GALNT10: variants seen among roughly 807,000 people sequenced by gnomAD.
GALNT10 encodes GalNAc transferase 10.
A neutral mutation model predicts 75.0 loss-of-function variants in GALNT10; 41 were observed. That is an observed-to-expected ratio of 0.55 (90% CI 0.43 to 0.71). The LOEUF (loss-of-function observed/expected upper bound fraction) is 0.71, where lower values mean the gene tolerates loss of function less well. GALNT10 is among the 30% of genes least tolerant of loss of function. GALNT10 has a pLI of 0.00. For missense variants in GALNT10, 727 were observed against 818.5 expected, an observed-to-expected ratio of 0.89 and a Z score of 1.36; for synonymous variants, 302 against 313.0, an observed-to-expected ratio of 0.96 and a Z score of 0.37.
chr5:154,272,116 C>T (rs1241354070), intron 1 of GALNT10, among the ~76,000 whole-genome samples: 1 of 152,150 alleles, frequency 6.6e-6, no homozygotes, highest in Non-Finnish European at 1.5e-5. Context: ...GCAGGCGGCC[C>T]CTCTGTTAGT....
chr5:154,357,848 G>A (rs1457917218), intron 4 of GALNT10, among the ~76,000 whole-genome samples: 1 of 152,156 alleles, frequency 6.6e-6, no homozygotes, highest in Non-Finnish European at 1.5e-5. Flanking sequence ...CTCCCTGTGT[G>A]AGCTGAGATG....
intron 7 of GALNT10, chr5:154,393,128 A>AGT (rs1755943395): frequency 6.7e-6 from 1 of 149,112 alleles, no homozygotes; most frequent in Non-Finnish European, 1.5e-5. Flanking sequence ...GCTGGAGGGC[A>AGT]GTGACGTGAT....
At chr5:154,332,189 A>G (rs1475082366) in intron 4 of GALNT10, among the ~76,000 whole-genome samples, 1 of 152,194 alleles carries the variant, frequency 6.6e-6, no homozygotes, top group Non-Finnish European at 1.5e-5. Context: ...GAACTGCTCA[A>G]GTGATTGATT....
intron 4 of GALNT10, among the ~76,000 whole-genome samples, chr5:154,351,043 CATG>C: frequency 6.6e-6 from 1 of 152,302 alleles, no homozygotes; most frequent in African/African-American, 2.4e-5. Context: ...ACTTTGATGA[CATG>C]ATAATTACCA....
chr5:154,395,261 C>A lies in GALNT10; in HGVS notation c.1056+8831C>A, dbSNP rs1031341300. On this transcript the variant is annotated intron_variant, in intron 7 of 11. Transcript: ENST00000297107. ...TAAGTGGCAGCTGTTCTGATCATAA[C>A]CCTCAGGTAAGGAGGCAGAACAGCA... Among the ~76,000 whole-genome samples, 3 of 152,222 alleles carry A rather than the reference C, an allele frequency of 2.0e-5. No homozygotes were observed. In the South Asian group the frequency reaches 6.2e-4, roughly 32 times the overall value.
At chr5:154,253,751 T>C (rs1327414578) in intron 1 of GALNT10, among the ~76,000 whole-genome samples, 2 of 134,488 alleles carry the variant, frequency 1.5e-5, no homozygotes, top group Non-Finnish European at 3.1e-5. Flanking sequence ...TTAAAAAACA[T>C]GGTGGCTTGC....
intron 1 of GALNT10, among the ~76,000 whole-genome samples, chr5:154,281,881 G>A (rs1349600438): frequency 6.6e-6 from 1 of 152,168 alleles, no homozygotes; most frequent in Non-Finnish European, 1.5e-5. Context: ...CATCATGGTG[G>A]CCTTTGCATT....
intron 7 of GALNT10, among the ~76,000 whole-genome samples, chr5:154,397,456 G>A (rs2113203530): frequency 6.6e-6 from 1 of 152,204 alleles, no homozygotes; most frequent in Non-Finnish European, 1.5e-5. Context: ...CCTCATTTTA[G>A]CCTCACCACA....
At chr5:154,386,580 C>T (rs1419385408) in intron 7 of GALNT10, 150 bp downstream of exon 7, 10 of 334,258 alleles carry the variant, frequency 3.0e-5, no homozygotes, top group Non-Finnish European at 5.9e-5. Flanking sequence ...GACAGGGGCT[C>T]ATGGGCCACT....
intron 1 of GALNT10, among the ~76,000 whole-genome samples, chr5:154,222,030 A>G (rs926249588): frequency 6.6e-6 from 1 of 152,120 alleles, no homozygotes; most frequent in Non-Finnish European, 1.5e-5. Flanking sequence ...CAATTTTAAC[A>G]TATATATAAA....
chr5:154,272,392 A>G (rs1278273946), intron 1 of GALNT10, among the ~76,000 whole-genome samples: 2 of 152,202 alleles, frequency 1.3e-5, no homozygotes, highest in Non-Finnish European at 2.9e-5. Flanking sequence ...TCCCAGATCT[A>G]TGGCCTTCTT....
At chr5:154,205,174 G>C (rs1176285560) in intron 1 of GALNT10, among the ~76,000 whole-genome samples, 1 of 152,190 alleles carries the variant, frequency 6.6e-6, no homozygotes, top group Non-Finnish European at 1.5e-5. Context: ...CCCCTGTTGA[G>C]ATCAGAAGGC....
chr5:154,298,215 T>G lies in GALNT10; in HGVS notation c.401+136T>G, dbSNP rs1754310625. On this transcript the variant is annotated intron_variant, in intron 3 of 11. Coordinates refer to ENST00000297107, the MANE Select transcript of GALNT10 (RefSeq NM_198321.4). The surrounding 1 kb of genome is among the most constrained non-coding windows in gnomAD (Gnocchi z 4.1). The stretch of plus-strand genomic sequence containing the variant: ...TCTTTCACAGGCATTTGTGCAAAGG[T>G]TCATGGTGTTGAGGGGTAGGAGATA... 1 of 789,862 alleles carries G rather than the reference T, an allele frequency of 1.3e-6. No homozygotes were observed. Among genetic ancestry groups the G allele is most frequent in the Non-Finnish European group, 2.1e-6 (1 of 476,288 alleles). The allele number at this position is 789,862 out of a possible 1,614,324, so 48.9% of individuals were successfully genotyped here.
At chr5:154,294,482 A>G (rs1754245111) in intron 1 of GALNT10, among the ~76,000 whole-genome samples, 1 of 152,260 alleles carries the variant, frequency 6.6e-6, no homozygotes, top group African/African-American at 2.4e-5. Flanking sequence ...GGAAAATTTC[A>G]GGTTACACAT....
At chr5:154,238,673 C>T (rs962633090) in intron 1 of GALNT10, among the ~76,000 whole-genome samples, 4 of 152,210 alleles carry the variant, frequency 2.6e-5, no homozygotes, top group East Asian at 3.9e-4. Flanking sequence ...CAGAGGCTGC[C>T]GTGGGGGATT....
chr5:154,329,663 G>T lies in GALNT10; in HGVS notation c.493G>T (p.Val165Phe), dbSNP rs780422451. 5 of 1,612,586 alleles carry T rather than the reference G, an allele frequency of 3.1e-6. No homozygotes were observed. Among genetic ancestry groups the T allele is most frequent in the Non-Finnish European group, 4.2e-6 (5 of 1,178,850 alleles). The change falls in exon 4 of 12, where the codon GTC becomes TTC. Residue 165 changes from valine to phenylalanine, a missense_variant. Transcript: ENST00000297107. ...GGGCTGGTCCTCCCTCCTCCGCACC[G>T]TCCACAGTGTGCTCAATCGCTCGCC... ...NEGWSSLLRT[V>F]HSVLNRSPPE...
At chr5:154,219,133 G>T (rs1752929945) in intron 1 of GALNT10, among the ~76,000 whole-genome samples, 2 of 152,150 alleles carry the variant, frequency 1.3e-5, no homozygotes. Context: ...TCTCCCACCT[G>T]CTCGCCTTTG....
intron 3 of GALNT10, among the ~76,000 whole-genome samples, chr5:154,318,971 C>G (rs970889469): frequency 6.6e-6 from 1 of 152,228 alleles, no homozygotes; most frequent in Non-Finnish European, 1.5e-5. Flanking sequence ...TTGCAAAATT[C>G]TAAACTCCAC....
chr5:154,221,867 C>G (rs1752984787), intron 1 of GALNT10, among the ~76,000 whole-genome samples: 2 of 152,172 alleles, frequency 1.3e-5, no homozygotes. Flanking sequence ...GCTTTCAGAC[C>G]AACTTGAGGC....
Sources: allele counts gnomAD v4.1 joint callset (sites outside exome capture counted in the v4.1 genomes callset), GRCh38; gene constraint gnomAD v4.1.1; non-coding constraint Gnocchi (gnomAD v3.1); transcripts MANE v1.5; gene names NCBI Gene and HGNC (gene_info 2026-07-23, HGNC 2026-07-21).